The following ANAPC1 variants were observed in gnomAD, a reference collection of about 807,000 sequenced individuals.
The protein encoded by ANAPC1 is anaphase-promoting complex subunit 1.
In ANAPC1, 36 loss-of-function variants were observed where a neutral mutation model predicts 208.0. The ratio of observed to expected loss-of-function variants is 0.17; its 90% confidence interval spans 0.13 to 0.23. The LOEUF (loss-of-function observed/expected upper bound fraction) is 0.23, where lower values mean the gene tolerates loss of function less well. ANAPC1 is among the 10% of genes least tolerant of loss of function. ANAPC1 has a pLI of 1.00. For missense variants in ANAPC1, 942 were observed against 2,011.6 expected, an observed-to-expected ratio of 0.47 and a Z score of 10.17; for synonymous variants, 378 against 695.2, an observed-to-expected ratio of 0.54 and a Z score of 7.18.
At chr2:111,868,408 T>C (rs867286586) in intron 6 of ANAPC1, among the ~76,000 whole-genome samples, 93 of 152,230 alleles carry the variant, frequency 6.1e-4, no homozygotes, top group African/African-American at 2.2e-3. Context: ...GGTCTTTTTT[T>C]ATTGACCTCT....
intron 16 of ANAPC1, among the ~76,000 whole-genome samples, chr2:111,843,841 T>TC (rs1286811175): frequency 7.2e-4 from 107 of 148,552 alleles, no homozygotes; most frequent in African/African-American, 2.3e-3. Context: ...TTTTTTTTTT[T>TC]TGAGAGGGTG....
At chr2:111,827,777 A>T (rs868642579) in intron 21 of ANAPC1, among the ~76,000 whole-genome samples, 18 of 152,174 alleles carry the variant, frequency 1.2e-4, no homozygotes, top group Non-Finnish European at 2.4e-4. Context: ...ATAAAAAATA[A>T]AAAAAGTCCA....
chr2:111,849,976 ATTAGGT>A lies in ANAPC1; in HGVS notation c.1650+794_1650+799del, dbSNP rs1387975382. 2.0e-5 allele frequency among the ~76,000 whole-genome samples: 3 copies of A among 152,212 alleles called. No individual in the cohort carries two copies. In the East Asian group the frequency reaches 5.8e-4, roughly 29 times the overall value. On this transcript the variant is annotated intron_variant, in intron 14 of 47. Coordinates refer to ENST00000341068, the MANE Select transcript of ANAPC1 (RefSeq NM_022662.4). ...AGTGTAAATCCCAGTTCTACCACTT[ATTAGGT>A]TTATTTCATTTGTAACTTCTATCTC...
In ANAPC1 at chr2:111,880,802, C is replaced by T; in HGVS notation, c.24G>A (p.Arg8=). The T allele has an allele frequency of 1.2e-6, 2 of 1,613,824 alleles. No individual in the cohort carries two copies. The highest frequency in any genetic ancestry group is 1.7e-6 in the Non-Finnish European group (2 of 1,179,860). Residue 8 remains arginine, a synonymous_variant, in exon 2 of 48, where the codon AGG becomes AGA. Transcript: ENST00000341068. The part of the protein sequence containing the change: MSNFYEE[R]TTMIAARDLQ... Reference sequence around the variant, plus strand: ...AATCCCTTGCTGCAATCATCGTTGTCCTTTCTTCATAGAAGTTCGACATGG... The same window carrying T: ...AATCCCTTGCTGCAATCATCGTTGTTCTTTCTTCATAGAAGTTCGACATGG...
At chr2:111,792,965 A>C (rs1473419766) in intron 37 of ANAPC1, among the ~76,000 whole-genome samples, 1 of 152,130 alleles carries the variant, frequency 6.6e-6, no homozygotes, top group Non-Finnish European at 1.5e-5. Context: ...AGAAAAAAAA[A>C]ATCTGTAAAT....
At chr2:111,849,446 A>T (rs1370351372) in intron 14 of ANAPC1, among the ~76,000 whole-genome samples, 1 of 152,208 alleles carries the variant, frequency 6.6e-6, no homozygotes, top group African/African-American at 2.4e-5. Flanking sequence ...GCACATGTTT[A>T]AAAATATAAT....
At chr2:111,798,688 T>C (rs1324417524) in intron 34 of ANAPC1, among the ~76,000 whole-genome samples, 1 of 152,082 alleles carries the variant, frequency 6.6e-6, no homozygotes, top group Non-Finnish European at 1.5e-5. Context: ...TCATTAAAAT[T>C]ATTACTAAGA....
At chr2:111,781,630 G>A (rs1438528925) in intron 43 of ANAPC1, among the ~76,000 whole-genome samples, 1 of 152,274 alleles carries the variant, frequency 6.6e-6, no homozygotes, top group Non-Finnish European at 1.5e-5. Flanking sequence ...ATTCCTTAGG[G>A]TCCTAACTAC....
intron 7 of ANAPC1, 69 bp from the exon 8 acceptor site, chr2:111,865,020 G>C: frequency 6.7e-7 from 1 of 1,484,690 alleles, no homozygotes; most frequent in South Asian, 1.4e-5. Flanking sequence ...TATGAACAGA[G>C]CTCTTAAAAT....
intron 38 of ANAPC1, among the ~76,000 whole-genome samples, chr2:111,789,725 A>T (rs1415898499): frequency 6.6e-6 from 1 of 152,166 alleles, no homozygotes; most frequent in African/African-American, 2.4e-5. Flanking sequence ...CTAAGTTTAA[A>T]TGTTGTTACA....
rs752568610 is a variant in ANAPC1, at chr2:111,873,346, T to C, written c.490A>G (p.Ile164Val). 6.2e-7 allele frequency: 1 copy of C among 1,609,136 alleles called. No individual in the cohort carries two copies. Among genetic ancestry groups the C allele is most frequent in the Non-Finnish European group, 8.5e-7 (1 of 1,178,060 alleles). Residue 164 changes from isoleucine (I) to valine (V), a missense_variant, in exon 5 of 48, where the codon ATA (isoleucine) becomes GTA (valine). Ile to Val is a conservative substitution (Grantham distance 29). Coordinates refer to ENST00000341068, the MANE Select transcript of ANAPC1 (RefSeq NM_022662.4). ...LQSSCINMHS[I>V]EGKDYIASLP... ...GAAGCTATGTAATCCTTTCCTTCTA[T>C]GCTATGCATGTTAATACATGAGCTT... is the stretch of plus-strand genomic sequence containing the variant.
At chr2:111,817,505 T>C (rs1679301827) in intron 27 of ANAPC1, among the ~76,000 whole-genome samples, 1 of 151,998 alleles carries the variant, frequency 6.6e-6, no homozygotes, top group African/African-American at 2.4e-5. Context: ...TCTGAGACAA[T>C]TTAAATATTA....
chr2:111,838,487 G>A lies in ANAPC1; in HGVS notation c.2066C>T (p.Pro689Leu), dbSNP rs1368667372. The A allele has an allele frequency of 6.2e-7, 1 of 1,606,392 alleles. No homozygotes were observed. ...CCTTGCTTTTTTGGGCGCAATGACA[G>A]GAGAAAGTGATCCTTCAAAGTCAAA... is the stretch of plus-strand genomic sequence containing the variant. Reference protein sequence around the residue: ...RNFDFEGSLSPVIAPKKARPS... With the variant: ...RNFDFEGSLSLVIAPKKARPS... The change falls in exon 18 of 48, where the codon CCT becomes CTT. Residue 689 changes from proline (P) to leucine (L), a missense_variant. Coordinates refer to ENST00000341068, the MANE Select transcript of ANAPC1 (RefSeq NM_022662.4).
intron 13 of ANAPC1, among the ~76,000 whole-genome samples, chr2:111,855,334 A>G (rs1439371261): frequency 2.0e-5 from 3 of 152,366 alleles, no homozygotes; most frequent in East Asian, 1.9e-4. Flanking sequence ...AAATATTGCA[A>G]GAATTATCAA....
At chr2:111,779,593 T>G (rs2104484373) in intron 44 of ANAPC1, 1 of 152,760 alleles carries the variant, frequency 6.5e-6, no homozygotes, top group African/African-American at 2.4e-5. Context: ...TCCCAGCACT[T>G]TGGGAGTCCA....
Position 111,768,604 on chromosome 2 carries a change from C to T in ANAPC1, c.*687G>A, listed in dbSNP as rs1440253236. The T allele has an allele frequency of 6.8e-6, 1 of 147,492 alleles. No individual in the cohort carries two copies. Among genetic ancestry groups the T allele is most frequent in the Non-Finnish European group, 1.5e-5 (1 of 67,100 alleles). The allele number at this position is 147,492 out of a possible 1,614,324, so 9.1% of individuals were successfully genotyped here. A position where few individuals can be genotyped will look rare whatever the true frequency, so the allele number is the denominator to read the frequency against. On this transcript the variant is annotated 3_prime_UTR_variant, in exon 48 of 48. Coordinates refer to ENST00000341068, the MANE Select transcript of ANAPC1 (RefSeq NM_022662.4). ...TCTCTTCCTCTGCTTAGGAGGCCAC[C>T]AATTCTACTGAATTAAGGCCCCACC...
intron 25 of ANAPC1, among the ~76,000 whole-genome samples, chr2:111,822,122 T>C (rs1224521318): frequency 6.7e-6 from 1 of 149,546 alleles, no homozygotes; most frequent in Non-Finnish European, 1.5e-5. Flanking sequence ...ATTACTAATA[T>C]GGTACAAGTA....
chr2:111,832,923 G>A (rs1316264724), intron 20 of ANAPC1, among the ~76,000 whole-genome samples: 1 of 72,242 alleles, frequency 1.4e-5, no homozygotes, highest in African/African-American at 4.4e-5. Context: ...GGGTGACAGA[G>A]CGAGACTCAG....
At chr2:111,854,489 CACTGACTT>C (rs1681591813) in intron 13 of ANAPC1, among the ~76,000 whole-genome samples, 1 of 152,192 alleles carries the variant, frequency 6.6e-6, no homozygotes, top group African/African-American at 2.4e-5. Context: ...TGAAGCCAGG[CACTGACTT>C]CTCCTCTCAG....
Sources: gnomAD v4.1 joint callset for allele counts (sites outside exome capture counted in the v4.1 genomes callset) on GRCh38, gnomAD v4.1.1 for gene constraint, MANE v1.5 for transcripts, NCBI Gene and HGNC (gene_info 2026-07-23, HGNC 2026-07-21) for gene names.